Variants in EXOC4 observed in about 807,000 individuals in gnomAD.
EXOC4 encodes the protein SEC8-like 1.
In EXOC4, 71 loss-of-function variants were observed where a neutral mutation model predicts 107.2. The observed-to-expected ratio is 0.66, with a 90% CI of 0.55 to 0.81. The LOEUF (loss-of-function observed/expected upper bound fraction) is 0.81. EXOC4 is among the 30% of genes least tolerant of loss of function. The pLI, the probability that EXOC4 is intolerant of heterozygous loss-of-function variation, is 0.00. For missense variants in EXOC4, 1,108 were observed against 1,189.6 expected (o/e 0.93, Z 1.01); for synonymous variants, 456 against 441.2 (o/e 1.03, Z -0.42).
chr7:133,845,674 C>G (rs1798112745), intron 11 of EXOC4, among the ~76,000 whole-genome samples: 1 of 152,044 alleles, frequency 6.6e-6, no homozygotes, highest in Admixed American at 6.6e-5. Flanking sequence ...CTAGTGCAGC[C>G]TATCTTGATA....
At chr7:133,743,871 G>A (rs1167437805) in intron 10 of EXOC4, among the ~76,000 whole-genome samples, 1 of 152,158 alleles carries the variant, frequency 6.6e-6, no homozygotes, top group Non-Finnish European at 1.5e-5. Context: ...TCTCACTGCT[G>A]CTTAGTAGGT....
At chr7:133,620,753 C>T (rs1478651359) in intron 9 of EXOC4, among the ~76,000 whole-genome samples, 1 of 152,116 alleles carries the variant, frequency 6.6e-6, no homozygotes, top group Non-Finnish European at 1.5e-5. Flanking sequence ...AATCTCTGAG[C>T]TAGATATACT....
intron 11 of EXOC4, among the ~76,000 whole-genome samples, chr7:133,851,449 G>T (rs1798238176): frequency 1.3e-5 from 2 of 152,218 alleles, no homozygotes; most frequent in Non-Finnish European, 2.9e-5. Context: ...CTCCCAAAGT[G>T]CTGGGACTAC....
chr7:133,944,762 G>A (rs940830271), intron 14 of EXOC4, among the ~76,000 whole-genome samples: 6 of 152,086 alleles, frequency 3.9e-5, no homozygotes, highest in African/African-American at 1.4e-4. Flanking sequence ...AATCTTGTGG[G>A]TCTGAAAGAC....
At chr7:133,602,681 A>G (rs777208914) in intron 9 of EXOC4, among the ~76,000 whole-genome samples, 28 of 152,334 alleles carry the variant, frequency 1.8e-4, no homozygotes, top group Non-Finnish European at 3.2e-4. Flanking sequence ...ACCCTTCTAA[A>G]AGAGATTATG....
At chr7:133,342,503 C>T (rs557407495) in intron 5 of EXOC4, among the ~76,000 whole-genome samples, 54 of 152,170 alleles carry the variant, frequency 3.5e-4, no homozygotes, top group Non-Finnish European at 6.5e-4. Flanking sequence ...TATGCCCAAG[C>T]GGTGATCTCT....
intron 9 of EXOC4, among the ~76,000 whole-genome samples, chr7:133,563,114 A>C (rs1234566219): frequency 1.3e-5 from 2 of 152,124 alleles, no homozygotes; most frequent in East Asian, 3.9e-4. Flanking sequence ...GTTAGATTTC[A>C]TTTGTTTTAT....
At chr7:133,903,794 A>T (rs1017307176) in intron 12 of EXOC4, among the ~76,000 whole-genome samples, 1 of 152,238 alleles carries the variant, frequency 6.6e-6, no homozygotes, top group Non-Finnish European at 1.5e-5. Context: ...GAGTATACTC[A>T]TGGCAAAGAA....
chr7:133,280,709 T>C (rs1450073394), intron 2 of EXOC4, among the ~76,000 whole-genome samples: 2 of 152,194 alleles, frequency 1.3e-5, no homozygotes, highest in African/African-American at 2.4e-5. Flanking sequence ...AATGAAACAT[T>C]CATTATTTGG....
intron 3 of EXOC4, among the ~76,000 whole-genome samples, chr7:133,292,870 C>T (rs1036017913): frequency 6.6e-6 from 1 of 152,222 alleles, no homozygotes; most frequent in African/African-American, 2.4e-5. Flanking sequence ...ACTGTAATAC[C>T]ACTACAGAGA....
chr7:133,552,476 T>C (rs1800609748), intron 9 of EXOC4, among the ~76,000 whole-genome samples: 1 of 152,192 alleles, frequency 6.6e-6, no homozygotes, highest in Admixed American at 6.5e-5. Flanking sequence ...ATCCAACATG[T>C]GAGAGAAATT....
Position 133,943,492 on chromosome 7 carries a change from T to C in EXOC4, c.2206+5423T>C, listed in dbSNP as rs951664600. Among the ~76,000 whole-genome samples, 4 of 152,306 alleles carry C rather than the reference T, an allele frequency of 2.6e-5. No individual in the cohort carries two copies. In the South Asian group the frequency reaches 8.3e-4, roughly 32 times the overall value. On this transcript the variant is annotated intron_variant, in intron 14 of 17. Coordinates refer to ENST00000253861, the MANE Select transcript of EXOC4 (RefSeq NM_021807.4). Reference sequence around the variant, plus strand: ...AATCTTTACTATATTAACCAGATAATTACAGCAGTGGAATGTTTCTTAAAC... The same window carrying C: ...AATCTTTACTATATTAACCAGATAACTACAGCAGTGGAATGTTTCTTAAAC...
chr7:134,073,205 C>CAAAAAAAAAAAA, the EXOC4 span, among the ~76,000 whole-genome samples: 53 of 22,594 alleles, frequency 2.3e-3, 8 homozygotes, highest in African/African-American at 7.7e-3. Flanking sequence ...GACTTCCTCT[C>CAAAAAAAAAAAA]AAAAAAAAAA....
chr7:133,867,395 A>G (rs183505096), intron 11 of EXOC4, among the ~76,000 whole-genome samples: 75 of 152,340 alleles, frequency 4.9e-4, no homozygotes, highest in African/African-American at 1.7e-3. Context: ...CATTACCATT[A>G]TGGCATCAAT....
At chr7:133,427,412 A>G (rs1198575639) in intron 7 of EXOC4, among the ~76,000 whole-genome samples, 1 of 152,158 alleles carries the variant, frequency 6.6e-6, no homozygotes, top group Non-Finnish European at 1.5e-5. Flanking sequence ...CCTTGAAACT[A>G]TTATCTTATG....
chr7:133,823,895 T>TATATATA (rs1329511518), intron 11 of EXOC4, among the ~76,000 whole-genome samples: 2 of 17,876 alleles, frequency 1.1e-4, no homozygotes, highest in African/African-American at 1.5e-3. Flanking sequence ...TATATATATT[T>TATATATA]TATATATATA....
At chr7:133,788,453 T>C (rs1352366102) in intron 10 of EXOC4, among the ~76,000 whole-genome samples, 5 of 152,072 alleles carry the variant, frequency 3.3e-5, no homozygotes, top group Admixed American at 3.3e-4. Flanking sequence ...TTCACCCTCC[T>C]GTTTGCTCTG....
intron 9 of EXOC4, among the ~76,000 whole-genome samples, chr7:133,568,600 G>A (rs537277230): frequency 2.2e-4 from 34 of 152,230 alleles, no homozygotes; most frequent in African/African-American, 7.9e-4. Context: ...ATTTCAACCA[G>A]TTTTCATTGA....
At position 133,486,094 on chromosome 7, in the gene EXOC4, A is replaced by G. The variant is rs556612048; in HGVS notation, c.1417+5956A>G. Among the ~76,000 whole-genome samples, 4 of 152,154 alleles carry G rather than the reference A, an allele frequency of 2.6e-5. No individual in the cohort carries two copies. The East Asian group carries it at 7.7e-4, about 29-fold the overall frequency. On this transcript the variant is annotated intron_variant, in intron 9 of 17. Transcript: ENST00000253861. ...TAAAATGTTCTGTAAATCTCCAACCACTTGAGACCTCACTTCTTTAAGATG... is the reference window on the plus strand; with the variant it reads ...TAAAATGTTCTGTAAATCTCCAACCGCTTGAGACCTCACTTCTTTAAGATG...
Sources: gnomAD v4.1 joint callset for allele counts (sites outside exome capture counted in the v4.1 genomes callset) on GRCh38, gnomAD v4.1.1 for gene constraint, MANE v1.5 for transcripts, NCBI Gene and HGNC (gene_info 2026-07-23, HGNC 2026-07-21) for gene names.